Variants in SERPINA10 observed in about 807,000 individuals in gnomAD.
The protein encoded by SERPINA10 is protein Z-dependent protease inhibitor.
A neutral mutation model predicts 28.0 loss-of-function variants in SERPINA10; 24 were observed. The ratio of observed to expected loss-of-function variants is 0.86; its 90% CI spans 0.62 to 1.20. The LOEUF is 1.20. SERPINA10 is among the 50% of genes most tolerant of loss of function. SERPINA10 has a pLI of 0.00. For missense variants in SERPINA10, 521 were observed against 537.7 expected (o/e 0.97, Z 0.31); for synonymous variants, 207 against 203.9 (o/e 1.02, Z -0.13).
In SERPINA10 at chr14:94,282,104, AATTTT is replaced by A. The variant is rs1045798784; in HGVS notation, c.*1856_*1860del. On this transcript the variant is annotated 3_prime_UTR_variant, in exon 5 of 5. Transcript: ENST00000261994. Reference sequence around the variant, plus strand: ...TACTCTTGGAATGAATACAGGAATGAATTTTATTTTATTAATATGCAGTCTAAATA... The same window carrying A: ...TACTCTTGGAATGAATACAGGAATGAATTTTATTAATATGCAGTCTAAATA... 3.6e-4 allele frequency: 55 copies of A among 152,498 alleles called. No individual in the cohort carries two copies. The highest frequency in any genetic ancestry group is 1.3e-3 in the African/African-American group (54 of 41,524). The allele number at this position is 152,498 out of a possible 1,614,324, so 9.4% of individuals were successfully genotyped here.
At chr14:94,291,696 C>T (rs539647476) in intron 1 of SERPINA10, among the ~76,000 whole-genome samples, 39 of 152,288 alleles carry the variant, frequency 2.6e-4, no homozygotes, top group African/African-American at 8.7e-4. Flanking sequence ...TGGATGCTGC[C>T]GGCCTCACAG....
chr14:94,288,806 T>C (rs1895089553), intron 2 of SERPINA10, among the ~76,000 whole-genome samples: 2 of 152,134 alleles, frequency 1.3e-5, no homozygotes, highest in South Asian at 2.1e-4. Flanking sequence ...GCAGGCCCTA[T>C]TGGGAATCGC....
chr14:94,285,516 T>TAC (rs1000652686), intron 4 of SERPINA10, among the ~76,000 whole-genome samples: 3 of 151,376 alleles, frequency 2.0e-5, no homozygotes, highest in Admixed American at 6.6e-5. Flanking sequence ...TATATATATA[T>TAC]ACACACACAC....
At chr14:94,285,240 C>A (rs1044775372) in intron 4 of SERPINA10, among the ~76,000 whole-genome samples, 2 of 152,138 alleles carry the variant, frequency 1.3e-5, no homozygotes, top group Non-Finnish European at 1.5e-5. Flanking sequence ...CATTAGTGAA[C>A]ATGGGCCAGC....
At chr14:94,292,878 C>G (rs1474232039) in intron 1 of SERPINA10, 1 of 544,808 alleles carries the variant, frequency 1.8e-6, no homozygotes, top group Non-Finnish European at 3.3e-6. Flanking sequence ...ATCCCTGCCT[C>G]CCCTCAGCCC....
At chr14:94,288,167 C>G (rs1252499227) in intron 3 of SERPINA10, 119 bp downstream of exon 3, 1 of 1,400,738 alleles carries the variant, frequency 7.1e-7, no homozygotes, top group Non-Finnish European at 1.0e-6. Context: ...GCCCTGCCTT[C>G]AGGAAACTTA....
At chr14:94,291,644 G>A (rs910586127) in intron 1 of SERPINA10, among the ~76,000 whole-genome samples, 1 of 152,200 alleles carries the variant, frequency 6.6e-6, no homozygotes, top group African/African-American at 2.4e-5. Context: ...TGCCCTGGGA[G>A]GGTCTGGGTG....
chr14:94,284,753 A>T (rs572194978), intron 4 of SERPINA10, among the ~76,000 whole-genome samples: 1 of 152,320 alleles, frequency 6.6e-6, no homozygotes, highest in East Asian at 1.9e-4. Flanking sequence ...GATATGAGTG[A>T]TGTACCTATA....
At chr14:94,286,650 C>A (rs902281925) in intron 3 of SERPINA10, among the ~76,000 whole-genome samples, 1 of 152,176 alleles carries the variant, frequency 6.6e-6, no homozygotes, top group Non-Finnish European at 1.5e-5. Context: ...GGGAGGGGAG[C>A]AAAGAAAACT....
Position 94,293,193 on chromosome 14 carries a change from G to A in SERPINA10, c.-55C>T, listed in dbSNP as rs1895224267. On this transcript the variant is annotated 5_prime_UTR_variant, in exon 1 of 5. Transcript: ENST00000261994. ...CTGTAACCCACTGCCTCTTACCAGT[G>A]TGTGGCCTTGGGTCCTGGAAAAGTC... 6.5e-6 allele frequency: 1 copy of A among 154,848 alleles called. No homozygotes were observed. Among genetic ancestry groups the A allele is most frequent in the Non-Finnish European group, 1.4e-5 (1 of 69,442 alleles). The allele number at this position is 154,848 out of a possible 1,614,324, so 9.6% of individuals were successfully genotyped here.
intron 3 of SERPINA10, among the ~76,000 whole-genome samples, chr14:94,286,543 T>A (rs887752305): frequency 1.3e-4 from 20 of 152,210 alleles, no homozygotes; most frequent in African/African-American, 4.6e-4. Context: ...AAAAAAAACC[T>A]GAGTTAACAG....
At chr14:94,292,171 A>G (rs1364572463) in intron 1 of SERPINA10, among the ~76,000 whole-genome samples, 4 of 152,204 alleles carry the variant, frequency 2.6e-5, no homozygotes, top group African/African-American at 9.6e-5. Flanking sequence ...TGATGGCAAT[A>G]GAGTTGGGGC....
In SERPINA10 at chr14:94,280,978, A is replaced by G. The variant is rs534768095; in HGVS notation, c.*2987T>C. ...GTTTTGCCATACAATTAGTGGATAT[A>G]TGAGAAATCTTTGAATTGAAATGAA... is the stretch of plus-strand genomic sequence containing the variant. On this transcript the variant is annotated 3_prime_UTR_variant, in exon 5 of 5. Transcript: ENST00000261994. The G allele has an allele frequency of 6.6e-6, 1 of 152,334 alleles. No individual in the cohort carries two copies. The highest frequency in any genetic ancestry group is 2.1e-4 in the South Asian group (1 of 4,826). The allele number at this position is 152,334 out of a possible 1,614,324, so 9.4% of individuals were successfully genotyped here.
At position 94,290,060 on chromosome 14, in the gene SERPINA10, GAA is replaced by G; in HGVS notation, c.532_533del (p.Phe178LeufsTer9). On this transcript the variant is annotated frameshift_variant, in exon 2 of 5. Transcript: ENST00000261994. LOFTEE classifies it high-confidence loss of function. ...IHKDFDVKET[F>X]FNLSKRYFDT... is the part of the protein sequence containing the mutation. ...CAAAATACCTCTTGGATAAATTGAA[GAA>G]AGTCTCTTTGACATCAAAATCCTTG... 6.2e-7 allele frequency: 1 copy of G among 1,614,210 alleles called. No homozygotes were observed. The highest frequency in any genetic ancestry group is 8.5e-7 in the Non-Finnish European group (1 of 1,180,032).
Position 94,288,893 on chromosome 14 carries a change from G to A in SERPINA10, c.719-334C>T, listed in dbSNP as rs1326400205. ...CTGGACCTGAACGGAATTCACAGTC[G>A]TTCCCTCATAGTTGGCTCCAGCTTA... On this transcript the variant is annotated intron_variant, in intron 2 of 4. Coordinates refer to ENST00000261994, the MANE Select transcript of SERPINA10 (RefSeq NM_001100607.3). Among the ~76,000 whole-genome samples, 6 of 152,170 alleles carry A rather than the reference G, an allele frequency of 3.9e-5. No homozygotes were observed. In the South Asian group the frequency reaches 6.2e-4, roughly 16 times the overall value.
Position 94,290,320 on chromosome 14 carries a change from T to C in SERPINA10, c.274A>G (p.Met92Val), listed in dbSNP as rs1282285403. 9 of 1,614,218 alleles carry C rather than the reference T, an allele frequency of 5.6e-6. No homozygotes were observed. The East Asian group carries it at 8.9e-5, about 16-fold the overall frequency. The change falls in exon 2 of 5, where the codon ATG (methionine) becomes GTG (valine). Residue 92 changes from methionine (M) to valine (V), a missense_variant. Physicochemically the swap from Met to Val is conservative, Grantham distance 21 (BLOSUM62 1). Transcript: ENST00000261994. ...FGFSLLRKIS[M>V]RHDGNMVFSP... ...AAGACCATGTTGCCATCGTGCCTCA[T>C]GGAGATCTTTCGCAGCAGGCTGAAT...
Position 94,280,681 on chromosome 14 carries a change from T to C in SERPINA10, c.*3284A>G, listed in dbSNP as rs139712183. 255 of 152,274 alleles carry C rather than the reference T, an allele frequency of 1.7e-3. 1 individual carries two copies. Among genetic ancestry groups the C allele is most frequent in the African/African-American group, 5.7e-3 (238 of 41,562 alleles). The allele number at this position is 152,274 out of a possible 1,614,324, so 9.4% of individuals were successfully genotyped here. On this transcript the variant is annotated 3_prime_UTR_variant, in exon 5 of 5. Transcript: ENST00000261994. The stretch of plus-strand genomic sequence containing the variant: ...AAAAATCTCCCTCCATCTGTAGTTG[T>C]AGGGAAAAGGGACATCTTCATCATC...
rs915215511 is a variant in SERPINA10, at chr14:94,281,509, C to T, written c.*2456G>A. 2.6e-5 allele frequency: 4 copies of T among 152,068 alleles called. No individual in the cohort carries two copies. The highest frequency in any genetic ancestry group is 9.7e-5 in the African/African-American group (4 of 41,408). 9.4% of individuals were successfully genotyped at this position (152,068 alleles called of 1,614,324 possible). ...GACTTCTACAATGTTAAGATTTCCC[C>T]CGCTCGGTTGGAAACCCTGAATTTG... On this transcript the variant is annotated 3_prime_UTR_variant, in exon 5 of 5. Coordinates refer to ENST00000261994, the MANE Select transcript of SERPINA10 (RefSeq NM_001100607.3).
At position 94,283,123 on chromosome 14, in the gene SERPINA10, G is replaced by A. The variant is rs1894937385; in HGVS notation, c.*842C>T. The A allele has an allele frequency of 6.6e-6, 1 of 152,204 alleles. No individual in the cohort carries two copies. The highest frequency in any genetic ancestry group is 1.5e-5 in the Non-Finnish European group (1 of 68,038). The allele number at this position is 152,204 out of a possible 1,614,324, so 9.4% of individuals were successfully genotyped here. ...GAGAAGGAAAGAGAGAGAAGCACAT[G>A]ACTCAAGGAGAATGTTTACATGTGT... On this transcript the variant is annotated 3_prime_UTR_variant, in exon 5 of 5. Transcript: ENST00000261994.
Sources: gnomAD v4.1 joint callset for allele counts (sites outside exome capture counted in the v4.1 genomes callset) on GRCh38, gnomAD v4.1.1 for gene constraint, MANE v1.5 for transcripts, NCBI Gene and HGNC (gene_info 2026-07-23, HGNC 2026-07-21) for gene names.